The following WDR70 variants were observed in gnomAD, a reference collection of about 807,000 sequenced individuals.
The protein encoded by WDR70 is WD repeat-containing protein 70.
In WDR70, 53 loss-of-function variants were observed where a neutral mutation model predicts 88.6. The observed-to-expected ratio is 0.60, with a 90% CI of 0.48 to 0.75. The LOEUF is 0.75. Ranked by LOEUF, WDR70 falls within the 30% of genes least tolerant of loss-of-function variation. WDR70 has a pLI of 0.00. For synonymous variants in WDR70, 280 were observed against 270.0 expected, an observed-to-expected ratio of 1.04 and a Z score of -0.36; for missense variants, 610 against 823.2, an observed-to-expected ratio of 0.74 and a Z score of 3.17.
At chr5:37,614,383 G>A (rs1456638431) in intron 10 of WDR70, among the ~76,000 whole-genome samples, 1 of 152,030 alleles carries the variant, frequency 6.6e-6, no homozygotes, top group South Asian at 2.1e-4. Flanking sequence ...CTATTTTAAG[G>A]TCAGCTGATT....
chr5:37,480,051 G>T (rs1739616147), intron 8 of WDR70, 64 bp downstream of exon 8: 52 of 1,532,230 alleles, frequency 3.4e-5, no homozygotes, highest in Non-Finnish European at 4.5e-5. Context: ...AACTATTTGA[G>T]TTATCATGTA....
Position 37,722,848 on chromosome 5 carries a change from C to A in WDR70, c.1518-7C>A, listed in dbSNP as rs1202860585. The A allele has an allele frequency of 6.2e-7, 1 of 1,613,132 alleles. No homozygotes were observed. ...TAAAGAAAATAATTTGCTTTTACAC[C>A]CGTTAGGGGAGCAAAATTATGTGTG... On this transcript the variant is annotated splice_region_variant and splice_polypyrimidine_tract_variant and intron_variant, in intron 14 of 17. Transcript: ENST00000265107.
At chr5:37,691,628 A>G (rs998561665) in intron 10 of WDR70, among the ~76,000 whole-genome samples, 4 of 152,222 alleles carry the variant, frequency 2.6e-5, no homozygotes, top group Admixed American at 6.5e-5. Flanking sequence ...AAATAATGAA[A>G]TGAAGGCAGA....
At chr5:37,483,256 G>T (rs1047333985) in intron 8 of WDR70, among the ~76,000 whole-genome samples, 7 of 151,912 alleles carry the variant, frequency 4.6e-5, no homozygotes, top group South Asian at 2.1e-4. Context: ...GCGGCCTTCC[G>T]CAGTGTTTGT....
chr5:37,687,783 T>C (rs535192054), intron 10 of WDR70: 321 of 425,814 alleles, frequency 7.5e-4, no homozygotes, highest in African/African-American at 5.7e-3. Flanking sequence ...ACTTTTTCTT[T>C]ACTTGAGCAC....
At chr5:37,449,574 G>A (rs1738598267) in intron 7 of WDR70, among the ~76,000 whole-genome samples, 1 of 138,574 alleles carries the variant, frequency 7.2e-6, no homozygotes, top group African/African-American at 2.8e-5. Flanking sequence ...CCTGGGCAAC[G>A]AGTGAAATTT....
In WDR70 at chr5:37,635,205, C is replaced by T. The variant is rs1021568203; in HGVS notation, c.1092+29967C>T. On this transcript the variant is annotated intron_variant, in intron 10 of 17. Coordinates refer to ENST00000265107, the MANE Select transcript of WDR70 (RefSeq NM_018034.4). The stretch of plus-strand genomic sequence containing the variant: ...ACTCAACTTTGGATCAAACTTCCTT[C>T]TGGATGCATATCCTTACTGAAATGG... 2.8e-4 allele frequency among the ~76,000 whole-genome samples: 42 copies of T among 152,184 alleles called. 1 individual carries two copies. The highest frequency in any genetic ancestry group is 7.3e-5 in the Non-Finnish European group (5 of 68,046).
At position 37,437,989 on chromosome 5, in the gene WDR70, T is replaced by TA. The variant is rs753894984; in HGVS notation, c.552+13dup. ...AAGCATGGCACTAAAACAGTAAGTT[T>TA]AAAAATCTAGTTTTTTCCTCTCTCA... On this transcript the variant is annotated intron_variant, in intron 6 of 17. Transcript: ENST00000265107. 65 of 1,606,328 alleles carry TA rather than the reference T, an allele frequency of 4.0e-5. No homozygotes were observed. Among genetic ancestry groups the TA allele is most frequent in the Middle Eastern group, 3.3e-4 (2 of 6,046 alleles).
At chr5:37,483,712 G>A (rs76748238) in intron 8 of WDR70, among the ~76,000 whole-genome samples, 87,864 of 148,310 alleles carry the variant, frequency 0.59, 27,311 homozygotes, top group Non-Finnish European at 0.69. Flanking sequence ...CAGACGGGGC[G>A]GTGGCCTGGA....
chr5:37,656,992 C>T (rs1352018524), intron 10 of WDR70, among the ~76,000 whole-genome samples: 1 of 152,124 alleles, frequency 6.6e-6, no homozygotes, highest in Non-Finnish European at 1.5e-5. Context: ...GCCCCCTTTC[C>T]CAGGGAGTGA....
chr5:37,563,514 C>CAGTAGGG lies in WDR70; in HGVS notation c.918-41550_918-41549insAGTAGGG, dbSNP rs1291544767. Among the ~76,000 whole-genome samples the CAGTAGGG allele has an allele frequency of 3.3e-5, 2 of 61,102 alleles. 1 individual carries two copies. The highest frequency in any genetic ancestry group is 8.0e-5 in the Non-Finnish European group (2 of 25,008). The allele number at this position is 61,102 out of a possible 152,430, so 40.1% of individuals were successfully genotyped here. ...CCCAGTAGGGGCGGCCGGGCAGAGGCGCCCCTCACCTCCCGGATGGGGCGG... is the reference window on the plus strand; with the variant it reads ...CCCAGTAGGGGCGGCCGGGCAGAGGCAGTAGGGGCCCCTCACCTCCCGGATGGGGCGG... On this transcript the variant is annotated intron_variant, in intron 9 of 17. Transcript: ENST00000265107.
At chr5:37,721,338 C>T (rs1747810396) in intron 14 of WDR70, 123 bp downstream of exon 14, 1 of 852,522 alleles carries the variant, frequency 1.2e-6, no homozygotes, top group Non-Finnish European at 1.8e-6. Flanking sequence ...GAAAATGCAG[C>T]TGGAACAAAG....
chr5:37,637,580 G>A (rs1445892173), intron 10 of WDR70, among the ~76,000 whole-genome samples: 4 of 152,028 alleles, frequency 2.6e-5, no homozygotes, highest in Non-Finnish European at 4.4e-5. Context: ...AATAAATGAA[G>A]GGGTAAACTT....
intron 8 of WDR70, among the ~76,000 whole-genome samples, chr5:37,496,117 A>G (rs1740207637): frequency 6.6e-6 from 1 of 152,180 alleles, no homozygotes; most frequent in East Asian, 1.9e-4. Flanking sequence ...GTGTCTAACT[A>G]AAGGTTTTTA....
chr5:37,699,328 TCATA>T (rs1383315329), intron 11 of WDR70, among the ~76,000 whole-genome samples: 2 of 72,640 alleles, frequency 2.8e-5, no homozygotes, highest in Non-Finnish European at 5.4e-5. Flanking sequence ...TTCCTTTCCA[TCATA>T]CACACACACA....
At chr5:37,700,314 A>T (rs1747118848) in intron 11 of WDR70, 1 of 152,248 alleles carries the variant, frequency 6.6e-6, no homozygotes, top group African/African-American at 2.4e-5. Flanking sequence ...AGGGATTTTT[A>T]AAAATTTATT....
chr5:37,651,492 G>T (rs941383099), intron 10 of WDR70, among the ~76,000 whole-genome samples: 1 of 152,174 alleles, frequency 6.6e-6, no homozygotes, highest in Admixed American at 6.5e-5. Flanking sequence ...TAATGGGATT[G>T]CTGGGTCAAA....
At chr5:37,591,698 C>T (rs1429177609) in intron 9 of WDR70, among the ~76,000 whole-genome samples, 1 of 152,174 alleles carries the variant, frequency 6.6e-6, no homozygotes, top group Non-Finnish European at 1.5e-5. Flanking sequence ...GCCAACATTA[C>T]CCTGATGCCT....
chr5:37,479,611 TC>T, intron 7 of WDR70: 1 of 389,028 alleles, frequency 2.6e-6, no homozygotes, highest in South Asian at 4.5e-5. Flanking sequence ...CCTCAGGTGA[TC>T]CATCTGCCTT....
Sources: allele counts gnomAD v4.1 joint callset (sites outside exome capture counted in the v4.1 genomes callset), GRCh38; gene constraint gnomAD v4.1.1; transcripts MANE v1.5; gene names NCBI Gene and HGNC (gene_info 2026-07-23, HGNC 2026-07-21).